The following DIS3 variants were observed in gnomAD, a reference collection of about 807,000 sequenced individuals.
DIS3 encodes the protein DIS3 exosome endoribonuclease and 3'-5' exoribonuclease, also known as exosome complex exonuclease RRP44.
Under a neutral mutation model 113.0 loss-of-function variants are expected in DIS3, and 103 were observed. That is an observed-to-expected ratio of 0.91 (90% CI 0.78 to 1.07). The LOEUF (loss-of-function observed/expected upper bound fraction) is 1.07, where lower values mean the gene tolerates loss of function less well. Ranked by LOEUF, DIS3 falls within the 50% of genes least tolerant of loss-of-function variation. The probability of loss-of-function intolerance (pLI) is 0.00; values close to 1 mark genes in which losing one functional copy is unlikely to be tolerated. For missense variants in DIS3, 1,121 were observed against 1,167.1 expected, an observed-to-expected ratio of 0.96 and a Z score of 0.58; for synonymous variants, 402 against 394.3, an observed-to-expected ratio of 1.02 and a Z score of -0.23.
rs1461607760 is a variant in DIS3 at position 72,778,286 on chromosome 13, T to C, written c.481A>G (p.Lys161Glu). The C allele has an allele frequency of 1.2e-6, 2 of 1,608,392 alleles. No individual in the cohort carries two copies. Among genetic ancestry groups the C allele is most frequent in the Admixed American group, 3.3e-5 (2 of 59,996 alleles). The change falls in exon 3 of 21, where the codon AAA (lysine) becomes GAA (glutamate). Residue 161 changes from lysine to glutamate, a missense_variant. Coordinates refer to ENST00000377767, the MANE Select transcript of DIS3 (RefSeq NM_014953.5). The stretch of plus-strand genomic sequence containing the variant: ...AGCTGGTTGTCTGCTGACATTTTTT[T>C]CAAATGTTCATTGTACCATTTTGCT... ...VAAKWYNEHL[K>E]KMSADNQLQV...
chr13:72,767,241 C>T (rs1408053382), intron 14 of DIS3, among the ~76,000 whole-genome samples: 1 of 152,008 alleles, frequency 6.6e-6, no homozygotes, highest in East Asian at 1.9e-4. Context: ...CATCTACTTA[C>T]CAAATTAAAA....
chr13:72,761,141 A>G (rs2033612988), intron 19 of DIS3, among the ~76,000 whole-genome samples: 1 of 152,232 alleles, frequency 6.6e-6, no homozygotes. Context: ...AAGAAATCAA[A>G]GACAACAATT....
rs35653839 is a variant in DIS3 at position 72,761,407 on chromosome 13, CAA to C, written c.2624_2625del (p.Phe875Ter). 1 of 1,608,612 alleles carries C rather than the reference CAA, an allele frequency of 6.2e-7. No individual in the cohort carries two copies. The highest frequency in any genetic ancestry group is 1.7e-5 in the Admixed American group (1 of 58,138). Reference sequence around the variant, plus strand: ...TGTGGGTTTGGTTTGTCCTTTTCTTCAAAAAAGACTGTCCCTTCTAAACCATA... The same window carrying C: ...TGTGGGTTTGGTTTGTCCTTTTCTTCAAAAGACTGTCCCTTCTAAACCATA... ...PKYGLEGTVF[F>X]EEKDKPNPQL... On this transcript the variant is annotated frameshift_variant, in exon 19 of 21. Transcript: ENST00000377767. LOFTEE classifies it high-confidence loss of function.
Position 72,759,472 on chromosome 13 carries a change from C to G in DIS3, c.*323G>C, listed in dbSNP as rs567586219. The G allele has an allele frequency of 4.1e-6, 1 of 242,858 alleles. No individual in the cohort carries two copies. The highest frequency in any genetic ancestry group is 1.2e-3 in the Middle Eastern group (1 of 832). The allele number at this position is 242,858 out of a possible 1,614,324, so 15.0% of individuals were successfully genotyped here. On this transcript the variant is annotated 3_prime_UTR_variant, in exon 21 of 21. Transcript: ENST00000377767. ...AAATATTAAATAATCAAAGTACTTA[C>G]GCAAAATTAATCTGCTCCTCAATGA... is the stretch of plus-strand genomic sequence containing the variant.
intron 11 of DIS3, 138 bp from the exon 12 acceptor site, chr13:72,771,283 A>G: frequency 1.4e-6 from 1 of 697,442 alleles, no homozygotes. Flanking sequence ...AATTGAGAAA[A>G]GGTCAAATAA....
At chr13:72,770,003 G>C (rs1184942015) in intron 13 of DIS3, among the ~76,000 whole-genome samples, 3 of 152,162 alleles carry the variant, frequency 2.0e-5, no homozygotes, top group Non-Finnish European at 2.9e-5. Context: ...GCTCCATTAT[G>C]AATAAACATG....
Position 72,752,223 on chromosome 13 carries a change from A to G in DIS3, c.*7572T>C, listed in dbSNP as rs982866186. The G allele has an allele frequency of 2.0e-5, 3 of 152,250 alleles. No homozygotes were observed. Among genetic ancestry groups the G allele is most frequent in the Non-Finnish European group, 4.4e-5 (3 of 68,040 alleles). 9.4% of individuals were successfully genotyped at this position (152,250 alleles called of 1,614,324 possible). On this transcript the variant is annotated 3_prime_UTR_variant, in exon 21 of 21. Coordinates refer to ENST00000377767, the MANE Select transcript of DIS3 (RefSeq NM_014953.5). The stretch of plus-strand genomic sequence containing the variant: ...TGTGGGATCTTAAGGCAAGATTTAC[A>G]TAGCAGTGAATAGAACATGACTTTT...
In DIS3 at chr13:72,759,304, C is replaced by T. The variant is rs2033568427; in HGVS notation, c.*491G>A. 4.8e-6 allele frequency: 1 copy of T among 208,576 alleles called. No homozygotes were observed. The highest frequency in any genetic ancestry group is 5.9e-5 in the Admixed American group (1 of 16,924). The allele number at this position is 208,576 out of a possible 1,614,324, so 12.9% of individuals were successfully genotyped here. On this transcript the variant is annotated 3_prime_UTR_variant, in exon 21 of 21. Coordinates refer to ENST00000377767, the MANE Select transcript of DIS3 (RefSeq NM_014953.5). ...GCTTTTAAAGACAGTAAGAGAACAC[C>T]TAGTGTAAGTTAGGTGAATTAAAGA...
In DIS3 at chr13:72,759,555, GTATT is replaced by G. The variant is rs2033575213; in HGVS notation, c.*236_*239del. 2.5e-6 allele frequency: 1 copy of G among 406,054 alleles called. No individual in the cohort carries two copies. Among genetic ancestry groups the G allele is most frequent in the East Asian group, 4.0e-5 (1 of 24,822 alleles). 25.2% of individuals were successfully genotyped at this position (406,054 alleles called of 1,614,324 possible). A position where few individuals can be genotyped will look rare whatever the true frequency, so the allele number is the denominator to read the frequency against. On this transcript the variant is annotated 3_prime_UTR_variant, in exon 21 of 21. Transcript: ENST00000377767. The stretch of plus-strand genomic sequence containing the variant: ...TCCCTGAAGTTGCTGTCCTGTCACT[GTATT>G]TAAGTGATGGATATTCAATTGAATT...
rs778299484 is a variant in DIS3, at chr13:72,755,665, A to G, written c.*4130T>C. Reference sequence around the variant, plus strand: ...CCTATGTGAAGAAATCTTAGATATAAAACTAACTTTTCAAAGATACAAAAG... The same window carrying G: ...CCTATGTGAAGAAATCTTAGATATAGAACTAACTTTTCAAAGATACAAAAG... On this transcript the variant is annotated 3_prime_UTR_variant, in exon 21 of 21. Transcript: ENST00000377767. The G allele has an allele frequency of 6.9e-5, 27 of 388,782 alleles. No individual in the cohort carries two copies. Among genetic ancestry groups the G allele is most frequent in the Non-Finnish European group, 1.2e-4 (26 of 220,456 alleles). 24.1% of individuals were successfully genotyped at this position (388,782 alleles called of 1,614,324 possible).
At chr13:72,771,230 A>G in intron 11 of DIS3, 85 bp from the exon 12 acceptor site, 1 of 1,086,222 alleles carries the variant, frequency 9.2e-7, no homozygotes, top group Non-Finnish European at 1.3e-6. Context: ...AACATTAATT[A>G]AACAAGGAAA....
chr13:72,769,496 CTTTT>C (rs199556690), intron 13 of DIS3, among the ~76,000 whole-genome samples: 85 of 141,586 alleles, frequency 6.0e-4, no homozygotes, highest in African/African-American at 2.0e-3. Flanking sequence ...ATTTTTTTTC[CTTTT>C]TTTTTTTTTT....
chr13:72,753,619 G>A lies in DIS3; in HGVS notation c.*6176C>T. The stretch of plus-strand genomic sequence containing the variant: ...CAGATGTAGTGAATGAGAGTTTATA[G>A]TGGTTTACTTATTTAAATATTTGAC... On this transcript the variant is annotated 3_prime_UTR_variant, in exon 21 of 21. Coordinates refer to ENST00000377767, the MANE Select transcript of DIS3 (RefSeq NM_014953.5). 1.4e-6 allele frequency: 2 copies of A among 1,459,840 alleles called. No homozygotes were observed. The highest frequency in any genetic ancestry group is 9.4e-7 in the Non-Finnish European group (1 of 1,062,678). The allele number at this position is 1,459,840 out of a possible 1,614,324, so 90.4% of individuals were successfully genotyped here.
chr13:72,763,278 C>G (rs12874905), intron 16 of DIS3, among the ~76,000 whole-genome samples, 173 bp downstream of exon 16: 1 of 151,724 alleles, frequency 6.6e-6, no homozygotes. Flanking sequence ...GCACTCCAGT[C>G]TGGGTGACAG....
intron 19 of DIS3, 30 bp downstream of exon 19, chr13:72,761,333 A>C: frequency 6.4e-7 from 1 of 1,569,232 alleles, no homozygotes; most frequent in African/African-American, 1.4e-5. Flanking sequence ...TGCCCCCCGG[A>C]AAAGAAAACA....
chr13:72,773,853 A>G, intron 7 of DIS3, 32 bp from the exon 8 acceptor site: 1 of 1,593,986 alleles, frequency 6.3e-7, no homozygotes, highest in Non-Finnish European at 8.5e-7. Context: ...GATTTTACAC[A>G]AAAAAAATCT....
intron 10 of DIS3, 65 bp downstream of exon 10, chr13:72,772,094 G>T: frequency 2.1e-6 from 3 of 1,405,922 alleles, no homozygotes; most frequent in Non-Finnish European, 2.9e-6. Flanking sequence ...TTCTATTCTA[G>T]TTCAAAAGAA....
At position 72,778,480 on chromosome 13, in the gene DIS3, T is replaced by C. The variant is rs540519349; in HGVS notation, c.387-100A>G. 1.0e-4 allele frequency: 91 copies of C among 872,238 alleles called. No individual in the cohort carries two copies. In the Middle Eastern group the frequency reaches 1.1e-3, roughly 11 times the overall value. The allele number at this position is 872,238 out of a possible 1,614,324, so 54.0% of individuals were successfully genotyped here. A position where few individuals can be genotyped will look rare whatever the true frequency, so the allele number is the denominator to read the frequency against. ...TGCTTAACCACTAAACTAGAAAAAG[T>C]CAATGGTATATCTTTTCTCTTGAAT... On this transcript the variant is annotated intron_variant, in intron 2 of 20. Coordinates refer to ENST00000377767, the MANE Select transcript of DIS3 (RefSeq NM_014953.5).
intron 15 of DIS3, among the ~76,000 whole-genome samples, chr13:72,765,668 T>C (rs1431417579): frequency 6.6e-6 from 1 of 152,186 alleles, no homozygotes; most frequent in Admixed American, 6.5e-5. Flanking sequence ...TATTCTACTT[T>C]AGAAATTAAT....
Sources: allele counts gnomAD v4.1 joint callset (sites outside exome capture counted in the v4.1 genomes callset), GRCh38; gene constraint gnomAD v4.1.1; transcripts MANE v1.5; gene names NCBI Gene and HGNC (gene_info 2026-07-23, HGNC 2026-07-21).